Variants in PPP4R4 observed in about 807,000 individuals in gnomAD.
PPP4R4 encodes the protein protein phosphatase 4 regulatory subunit 4, also known as serine/threonine-protein phosphatase 4 regulatory subunit 4.
Under a neutral mutation model 121.8 loss-of-function variants are expected in PPP4R4, and 70 were observed. The observed-to-expected ratio is 0.57, with a 90% CI of 0.47 to 0.70. The LOEUF (loss-of-function observed/expected upper bound fraction) is 0.70. Among genes scored for constraint, PPP4R4 ranks in the 30% least tolerant of loss-of-function variants. The pLI, the probability that PPP4R4 is intolerant of heterozygous loss-of-function variation, is 0.00. For missense variants in PPP4R4, 875 were observed against 1,033.6 expected (o/e 0.85, Z 2.10); for synonymous variants, 348 against 355.7 (o/e 0.98, Z 0.24).
intron 9 of PPP4R4, 44 bp from the exon 10 acceptor site, chr14:94,241,744 G>T: frequency 3.5e-6 from 5 of 1,416,614 alleles, no homozygotes; most frequent in Admixed American, 2.5e-5. Flanking sequence ...TTTAAATTTT[G>T]TTTTCAATTG....
chr14:94,265,126 T>C (rs1261055438), intron 20 of PPP4R4, among the ~76,000 whole-genome samples, 179 bp downstream of exon 20: 1 of 152,162 alleles, frequency 6.6e-6, no homozygotes, highest in African/African-American at 2.4e-5. Flanking sequence ...TAAGAGTACA[T>C]GAATGAAAGG....
chr14:94,175,310 C>T (rs1421464884), intron 1 of PPP4R4, among the ~76,000 whole-genome samples: 3 of 152,006 alleles, frequency 2.0e-5, no homozygotes, highest in Admixed American at 2.0e-4. Flanking sequence ...CCTGAGTCAC[C>T]GCTCATCCTT....
intron 16 of PPP4R4, among the ~76,000 whole-genome samples, chr14:94,252,850 A>T (rs992955555): frequency 1.3e-5 from 2 of 152,216 alleles, no homozygotes; most frequent in African/African-American, 2.4e-5. Flanking sequence ...TAAACAACTG[A>T]TGTGAATTTT....
intron 19 of PPP4R4, among the ~76,000 whole-genome samples, chr14:94,259,949 C>T (rs1332044623): frequency 6.6e-6 from 1 of 152,064 alleles, no homozygotes; most frequent in Non-Finnish European, 1.5e-5. Context: ...ATTTGCTTAT[C>T]CATTCACCTC....
chr14:94,250,629 A>G (rs985054247), intron 15 of PPP4R4, among the ~76,000 whole-genome samples: 2 of 151,998 alleles, frequency 1.3e-5, no homozygotes, highest in Non-Finnish European at 2.9e-5. Flanking sequence ...TATTCACATA[A>G]TTAACAGAAT....
intron 3 of PPP4R4, 22 bp from the exon 4 acceptor site, chr14:94,230,565 C>A (rs756670361): frequency 4.4e-6 from 7 of 1,591,038 alleles, no homozygotes; most frequent in Non-Finnish European, 6.0e-6. Context: ...ATGTAAATAG[C>A]AAACTCTTTC....
At position 94,245,713 on chromosome 14, in the gene PPP4R4, T is replaced by C. The variant is rs374688354; in HGVS notation, c.1428+43T>C. 31 of 1,390,496 alleles carry C rather than the reference T, an allele frequency of 2.2e-5. No homozygotes were observed. The African/African-American group carries it at 3.5e-4, about 16-fold the overall frequency. 86.1% of individuals were successfully genotyped at this position (1,390,496 alleles called of 1,614,324 possible). On this transcript the variant is annotated intron_variant, in intron 13 of 24. Transcript: ENST00000304338. ...GAAACATTCTGAGTTGTGTAAATAT[T>C]ATCCTACTCTACAGGGTGTTTTGAG...
intron 3 of PPP4R4, among the ~76,000 whole-genome samples, chr14:94,228,664 G>T (rs1439612086): frequency 2.0e-5 from 3 of 152,162 alleles, no homozygotes; most frequent in Non-Finnish European, 2.9e-5. Context: ...TTTGGGAGAT[G>T]TGCAAAATGT....
intron 12 of PPP4R4, among the ~76,000 whole-genome samples, 193 bp from the exon 13 acceptor site, chr14:94,245,394 G>A (rs796648438): frequency 3.9e-5 from 6 of 152,102 alleles, no homozygotes; most frequent in African/African-American, 1.4e-4. Flanking sequence ...CTTTTTGAAG[G>A]TTGGCCAAGG....
chr14:94,176,622 G>A (rs562670939), intron 2 of PPP4R4, among the ~76,000 whole-genome samples: 3 of 152,234 alleles, frequency 2.0e-5, no homozygotes, highest in Admixed American at 6.5e-5. Flanking sequence ...TTAGAAATTT[G>A]GTCGAGCCTA....
chr14:94,177,365 G>A (rs1370514592), intron 2 of PPP4R4, among the ~76,000 whole-genome samples: 2 of 152,140 alleles, frequency 1.3e-5, no homozygotes, highest in African/African-American at 2.4e-5. Context: ...TGTGTTTTGG[G>A]TGTTTACTTA....
intron 8 of PPP4R4, among the ~76,000 whole-genome samples, chr14:94,240,142 C>T (rs1892551244): frequency 6.6e-6 from 1 of 151,900 alleles, no homozygotes; most frequent in Non-Finnish European, 1.5e-5. Context: ...CAGATGTACT[C>T]AAATAATTGA....
intron 3 of PPP4R4, among the ~76,000 whole-genome samples, chr14:94,220,810 G>A (rs528085492): frequency 6.6e-6 from 1 of 152,224 alleles, no homozygotes; most frequent in Admixed American, 6.5e-5. Flanking sequence ...ATGTCAGTTT[G>A]CCCCAGATCA....
At chr14:94,197,694 A>G (rs1043112989) in intron 2 of PPP4R4, among the ~76,000 whole-genome samples, 9 of 152,152 alleles carry the variant, frequency 5.9e-5, no homozygotes, top group African/African-American at 2.2e-4. Flanking sequence ...AAATTTCCCC[A>G]TGTCCCTTTT....
chr14:94,199,642 C>T (rs984442085), intron 2 of PPP4R4, among the ~76,000 whole-genome samples: 2 of 152,100 alleles, frequency 1.3e-5, no homozygotes, highest in African/African-American at 4.8e-5. Context: ...ATGGGGGAGC[C>T]AGAAGAGAGA....
chr14:94,207,970 G>A (rs1480018521), intron 2 of PPP4R4, among the ~76,000 whole-genome samples: 1 of 151,746 alleles, frequency 6.6e-6, no homozygotes, highest in Non-Finnish European at 1.5e-5. Context: ...TTTCTGACAT[G>A]GAGTCAAATC....
intron 1 of PPP4R4, 100 bp from the exon 2 acceptor site, chr14:94,175,954 C>A: frequency 1.1e-6 from 1 of 923,754 alleles, no homozygotes; most frequent in Non-Finnish European, 1.8e-6. Flanking sequence ...AATTGTGAAA[C>A]TTTTTCATTC....
chr14:94,245,070 C>T lies in PPP4R4; in HGVS notation c.1344+358C>T, dbSNP rs139887505. Among the ~76,000 whole-genome samples the T allele has an allele frequency of 2.6e-5, 4 of 151,784 alleles. No homozygotes were observed. In the East Asian group the frequency reaches 7.7e-4, roughly 29 times the overall value. ...TTTCTATATAAAGGTTTTTATTTTA[C>T]TCAATTGTAATCATATATCACATTT... is the stretch of plus-strand genomic sequence containing the variant. On this transcript the variant is annotated intron_variant, in intron 12 of 24. Transcript: ENST00000304338.
chr14:94,236,082 C>T (rs934277841), intron 7 of PPP4R4, among the ~76,000 whole-genome samples: 1 of 152,102 alleles, frequency 6.6e-6, no homozygotes, highest in Non-Finnish European at 1.5e-5. Context: ...GAATGTCACA[C>T]AGGGTATGGT....
Sources: gnomAD v4.1 joint callset for allele counts (sites outside exome capture counted in the v4.1 genomes callset) on GRCh38, gnomAD v4.1.1 for gene constraint, MANE v1.5 for transcripts, NCBI Gene and HGNC (gene_info 2026-07-23, HGNC 2026-07-21) for gene names.